Variants in XYLB observed in about 807,000 individuals in gnomAD.
The protein encoded by XYLB is xylulose kinase.
A neutral mutation model predicts 78.7 loss-of-function variants in XYLB; 62 were observed. The ratio of observed to expected loss-of-function variants is 0.79; its 90% confidence interval spans 0.64 to 0.97. The LOEUF (loss-of-function observed/expected upper bound fraction) is 0.97, where lower values mean the gene tolerates loss of function less well. Ranked by LOEUF, XYLB falls within the 50% of genes least tolerant of loss-of-function variation. XYLB has a pLI of 0.00. For missense variants in XYLB, 687 were observed against 676.8 expected (o/e 1.02, Z -0.17); for synonymous variants, 245 against 247.4 (o/e 0.99, Z 0.09).
chr3:38,441,801 A>G, the XYLB span, among the ~76,000 whole-genome samples: 5 of 152,276 alleles, frequency 3.3e-5, no homozygotes, highest in East Asian at 1.9e-4. Context: ...TACTACATCA[A>G]TTTCCTTACT....
chr3:38,388,419 TA>T (rs1041829193), intron 15 of XYLB, among the ~76,000 whole-genome samples: 32 of 152,078 alleles, frequency 2.1e-4, no homozygotes, highest in Admixed American at 7.9e-4. Flanking sequence ...AAGTAATGCA[TA>T]AGTTAATTAG....
the XYLB span, chr3:38,452,447 T>G: frequency 1.3e-5 from 2 of 152,162 alleles, no homozygotes; most frequent in African/African-American, 4.8e-5. Flanking sequence ...TGTTTTTTTT[T>G]TGAGAGAGAG....
chr3:38,427,880 C>T, the XYLB span, among the ~76,000 whole-genome samples: 9 of 152,218 alleles, frequency 5.9e-5, no homozygotes, highest in African/African-American at 9.6e-5. Context: ...GTGTGAGCCA[C>T]CATGCCTGGT....
chr3:38,370,986 C>G (rs1040450337), intron 9 of XYLB, among the ~76,000 whole-genome samples: 7 of 152,142 alleles, frequency 4.6e-5, no homozygotes, highest in African/African-American at 1.4e-4. Flanking sequence ...GGACAGAGTG[C>G]TGGTGTGAAG....
chr3:38,408,480 A>C (rs1311145383), intron 18 of XYLB, among the ~76,000 whole-genome samples: 1 of 150,846 alleles, frequency 6.6e-6, no homozygotes, highest in African/African-American at 2.4e-5. Context: ...AAGAACTAGA[A>C]AAGCAAGAGC....
intron 15 of XYLB, among the ~76,000 whole-genome samples, chr3:38,383,532 C>T (rs1575502767): frequency 1.3e-5 from 2 of 152,310 alleles, no homozygotes; most frequent in African/African-American, 4.8e-5. Context: ...GTAATCCCAG[C>T]ACTTTGGGAG....
chr3:38,358,763 C>T (rs184639916), intron 2 of XYLB, among the ~76,000 whole-genome samples: 16 of 152,246 alleles, frequency 1.1e-4, no homozygotes, highest in Non-Finnish European at 1.6e-4. Flanking sequence ...TTTTGTTGCT[C>T]TCTTCCTCTT....
chr3:38,371,086 G>A (rs377019792), intron 9 of XYLB, among the ~76,000 whole-genome samples: 5 of 152,244 alleles, frequency 3.3e-5, no homozygotes, highest in African/African-American at 2.4e-5. Context: ...AGGACTTCGC[G>A]TTGGGAGTCT....
At chr3:38,408,468 A>G (rs1708426792) in intron 18 of XYLB, among the ~76,000 whole-genome samples, 1 of 150,944 alleles carries the variant, frequency 6.6e-6, no homozygotes, top group Non-Finnish European at 1.5e-5. Context: ...CATCACAATT[A>G]AAAGAACTAG....
the XYLB span, among the ~76,000 whole-genome samples, chr3:38,446,016 C>T: frequency 6.6e-6 from 1 of 152,170 alleles, no homozygotes; most frequent in Non-Finnish European, 1.5e-5. Context: ...GTGAGTGTTA[C>T]AGCTCTTAAA....
intron 1 of XYLB, among the ~76,000 whole-genome samples, chr3:38,348,071 T>G (rs1705166439): frequency 1.3e-5 from 2 of 152,252 alleles, no homozygotes; most frequent in African/African-American, 4.8e-5. Flanking sequence ...GCTTGGAGAT[T>G]GCTTCAGTGG....
Position 38,376,195 on chromosome 3 carries a change from A to C in XYLB, c.1083A>C (p.Ala361=), listed in dbSNP as rs1311272296. Residue 361 remains alanine, a synonymous_variant, in exon 13 of 19, where the codon GCA becomes GCC. Transcript: ENST00000207870. ...GTTCCTGGAGCGATTTCTCTAAGGC[A>C]CTGCAGTCCACAGAGATGGGCAACG... ...VSRSWSDFSK[A]LQSTEMGNGG... The C allele has an allele frequency of 1.2e-6, 2 of 1,614,036 alleles. No homozygotes were observed. The highest frequency in any genetic ancestry group is 2.2e-5 in the East Asian group (1 of 44,878).
rs1234305048 is a variant in XYLB at position 38,408,030 on chromosome 3, G to A, written c.1534-4906G>A. On this transcript the variant is annotated intron_variant, in intron 18 of 18. Coordinates refer to ENST00000207870, the MANE Select transcript of XYLB (RefSeq NM_005108.4). Reference sequence around the variant, plus strand: ...AATTGAACTCAGCTCTGCACCAAGCGGACCTAATAGACATCTACAGAACTC... The same window carrying A: ...AATTGAACTCAGCTCTGCACCAAGCAGACCTAATAGACATCTACAGAACTC... Among the ~76,000 whole-genome samples, 257 of 151,956 alleles carry A rather than the reference G, an allele frequency of 1.7e-3. 1 individual carries two copies. The highest frequency in any genetic ancestry group is 3.8e-3 in the African/African-American group (156 of 41,448).
Position 38,370,065 on chromosome 3 carries a change from T to A in XYLB, c.656T>A (p.Met219Lys), listed in dbSNP as rs760977055. ...SPIDYSDGSG[M>K]NLLQIQDKVW... ...TTCCTTCCTTCCTCAGGTTCTGGAA[T>A]GAATTTGTTGCAGATACAGGATAAA... Residue 219 changes from methionine to lysine, a missense_variant, in exon 9 of 19, where the codon ATG becomes AAG. Transcript: ENST00000207870. 1.9e-6 allele frequency: 3 copies of A among 1,614,092 alleles called. No individual in the cohort carries two copies. The Admixed American group carries it at 5.0e-5, about 27-fold the overall frequency.
At chr3:38,440,485 T>C in the XYLB span, among the ~76,000 whole-genome samples, 16 of 152,222 alleles carry the variant, frequency 1.1e-4, no homozygotes, top group Non-Finnish European at 2.1e-4. Context: ...CTTTTTCCCT[T>C]AATAGCTTTG....
intron 4 of XYLB, among the ~76,000 whole-genome samples, chr3:38,364,391 T>G (rs541442636): frequency 2.0e-5 from 3 of 151,904 alleles, no homozygotes; most frequent in Admixed American, 2.0e-4. Flanking sequence ...AAGCCTTTAA[T>G]ACATTCAGCT....
chr3:38,417,837 G>GCCA (rs1295304102), downstream of XYLB, among the ~76,000 whole-genome samples: 1 of 141,386 alleles, frequency 7.1e-6, no homozygotes, highest in Non-Finnish European at 1.5e-5. Context: ...CTGAGATCTC[G>GCCA]CCACTGCACT....
chr3:38,354,562 G>C (rs1348199020), intron 2 of XYLB, among the ~76,000 whole-genome samples: 6 of 151,674 alleles, frequency 4.0e-5, no homozygotes, highest in Non-Finnish European at 7.4e-5. Context: ...AAGTGCAGTG[G>C]TGTGTTCTCT....
chr3:38,412,002 T>G (rs1025455663), intron 18 of XYLB, among the ~76,000 whole-genome samples: 2 of 151,732 alleles, frequency 1.3e-5, no homozygotes, highest in African/African-American at 4.8e-5. Context: ...TTTTTTTTCT[T>G]TTTTTTGAGA....
Sources: gnomAD v4.1 joint callset for allele counts (sites outside exome capture counted in the v4.1 genomes callset) on GRCh38, gnomAD v4.1.1 for gene constraint, MANE v1.5 for transcripts, NCBI Gene and HGNC (gene_info 2026-07-23, HGNC 2026-07-21) for gene names.